The following KIF2A variants were observed in gnomAD, a reference collection of about 807,000 sequenced individuals.
KIF2A encodes kinesin family member 2A.
Under a neutral mutation model 100.2 loss-of-function variants are expected in KIF2A, and 22 were observed. That is an observed-to-expected ratio of 0.22 (90% confidence interval 0.16 to 0.31). The LOEUF is 0.31. Ranked by LOEUF, KIF2A falls within the 10% of genes least tolerant of loss-of-function variation. The pLI, the probability that KIF2A is intolerant of heterozygous loss-of-function variation, is 1.00. For missense variants in KIF2A, 495 were observed against 898.7 expected, an observed-to-expected ratio of 0.55 and a Z score of 5.74; for synonymous variants, 268 against 285.9, an observed-to-expected ratio of 0.94 and a Z score of 0.63.
chr5:62,333,882 A>T (rs1746782010), intron 1 of KIF2A, among the ~76,000 whole-genome samples: 1 of 152,152 alleles, frequency 6.6e-6, no homozygotes, highest in Admixed American at 6.5e-5. Flanking sequence ...ACCTCCCAGC[A>T]TCCTGCCCAG....
At chr5:62,319,606 A>G (rs1746004364) in intron 1 of KIF2A, among the ~76,000 whole-genome samples, 1 of 152,094 alleles carries the variant, frequency 6.6e-6, no homozygotes, top group African/African-American at 2.4e-5. Flanking sequence ...TATATTCCCC[A>G]CTGCCTAGCA....
intron 18 of KIF2A, among the ~76,000 whole-genome samples, chr5:62,376,271 T>C (rs186129917): frequency 4.5e-4 from 69 of 152,332 alleles, no homozygotes; most frequent in African/African-American, 1.5e-3. Flanking sequence ...CAGGGAATTA[T>C]CTTGCCATGA....
At chr5:62,322,686 A>C (rs1468970929) in intron 1 of KIF2A, among the ~76,000 whole-genome samples, 2 of 152,108 alleles carry the variant, frequency 1.3e-5, no homozygotes, top group Non-Finnish European at 2.9e-5. Flanking sequence ...ACCAGAGTTG[A>C]AGGGTGGGAA....
Position 62,386,964 on chromosome 5 carries a change from T to G in KIF2A, c.*1395T>G, listed in dbSNP as rs1372446731. On this transcript the variant is annotated 3_prime_UTR_variant, in exon 21 of 21. Coordinates refer to ENST00000407818, the MANE Select transcript of KIF2A (RefSeq NM_001098511.3). ...CTAAAAATCTCCCAAGGATATCTTG[T>G]TTTGATTTATTTACTCCAGGGAACT... is the stretch of plus-strand genomic sequence containing the variant. Among the ~76,000 whole-genome samples the G allele has an allele frequency of 6.6e-6, 1 of 152,178 alleles. No individual in the cohort carries two copies. The highest frequency in any genetic ancestry group is 1.5e-5 in the Non-Finnish European group (1 of 68,032).
At chr5:62,336,121 C>G (rs1226735021) in intron 1 of KIF2A, among the ~76,000 whole-genome samples, 2 of 152,144 alleles carry the variant, frequency 1.3e-5, no homozygotes, top group African/African-American at 4.8e-5. Flanking sequence ...AGCTCAAAAA[C>G]AAGATCATGG....
chr5:62,331,357 G>A (rs1261716836), intron 1 of KIF2A, among the ~76,000 whole-genome samples: 3 of 151,928 alleles, frequency 2.0e-5, no homozygotes, highest in African/African-American at 7.3e-5. Flanking sequence ...GCTGTGGTGA[G>A]CTGAGATCGT....
At chr5:62,331,102 T>TGTATAAACCTAA (rs1746616156) in intron 1 of KIF2A, among the ~76,000 whole-genome samples, 1 of 152,204 alleles carries the variant, frequency 6.6e-6, no homozygotes, top group African/African-American at 2.4e-5. Flanking sequence ...TATACATATT[T>TGTATAAACCTAA]AGGTTTTGAA....
chr5:62,382,126 G>C (rs573872154), intron 20 of KIF2A, among the ~76,000 whole-genome samples: 2 of 152,200 alleles, frequency 1.3e-5, no homozygotes, highest in African/African-American at 4.8e-5. Flanking sequence ...TCCTAATTTG[G>C]GGCAGTAAAT....
intron 20 of KIF2A, among the ~76,000 whole-genome samples, chr5:62,383,739 A>T (rs17349793): frequency 0.016 from 2,483 of 152,238 alleles, 58 homozygotes; most frequent in African/African-American, 0.057. Flanking sequence ...AATAATTCAC[A>T]ATCAGCTTCT....
At chr5:62,380,190 A>G (rs1205151188) in intron 19 of KIF2A, among the ~76,000 whole-genome samples, 1 of 152,146 alleles carries the variant, frequency 6.6e-6, no homozygotes, top group African/African-American at 2.4e-5. Context: ...CACCATGCCC[A>G]GCTGGAATTT....
At chr5:62,326,095 A>T (rs2111827820) in intron 1 of KIF2A, among the ~76,000 whole-genome samples, 1 of 152,244 alleles carries the variant, frequency 6.6e-6, no homozygotes, top group East Asian at 1.9e-4. Flanking sequence ...CATGTAACAA[A>T]CCTGCATATG....
chr5:62,363,616 G>T, intron 13 of KIF2A, 79 bp from the exon 14 acceptor site: 1 of 1,282,312 alleles, frequency 7.8e-7, no homozygotes, highest in Admixed American at 2.1e-5. Context: ...TGCTGCTGTT[G>T]TTTTTAATGA....
rs1318064633 is a variant in KIF2A at position 62,389,385 on chromosome 5, T to C, written c.*3816T>C. 6.7e-6 allele frequency among the ~76,000 whole-genome samples: 1 copy of C among 149,682 alleles called. No homozygotes were observed. The highest frequency in any genetic ancestry group is 1.5e-5 in the Non-Finnish European group (1 of 67,746). On this transcript the variant is annotated 3_prime_UTR_variant, in exon 21 of 21. Transcript: ENST00000407818. ...CCTGTAATCCCAGCTACTCGGGTGGTTGAGGCAGGAGATTTGCCTGAACCC... is the reference window on the plus strand; with the variant it reads ...CCTGTAATCCCAGCTACTCGGGTGGCTGAGGCAGGAGATTTGCCTGAACCC...
rs1580081697 is a variant in KIF2A, at chr5:62,365,100, A to T, written c.1468-143A>T. 10 of 455,114 alleles carry T rather than the reference A, an allele frequency of 2.2e-5. No homozygotes were observed. In the East Asian group the frequency reaches 3.5e-4, roughly 16 times the overall value. The allele number at this position is 455,114 out of a possible 1,614,324, so 28.2% of individuals were successfully genotyped here. On this transcript the variant is annotated intron_variant, in intron 14 of 20. Transcript: ENST00000407818. The stretch of plus-strand genomic sequence containing the variant: ...AGAGCGAGACTTTGTCTCAAAAAAA[A>T]AATAAAACTGTTAGTAGAATTTTCA...
Position 62,373,044 on chromosome 5 carries a change from C to G in KIF2A, c.1760+493C>G, listed in dbSNP as rs1238768114. Among the ~76,000 whole-genome samples the G allele has an allele frequency of 1.3e-5, 2 of 150,980 alleles. 1 individual carries two copies. Among genetic ancestry groups the G allele is most frequent in the Admixed American group, 1.3e-4 (2 of 15,182 alleles). On this transcript the variant is annotated intron_variant, in intron 17 of 20. Coordinates refer to ENST00000407818, the MANE Select transcript of KIF2A (RefSeq NM_001098511.3). ...CTGAGGTTGAGAATTCCAGACCAAC[C>G]TGGCCAAGTGGTGAAAAAAAAAAAA...
chr5:62,373,767 A>T lies in KIF2A; in HGVS notation c.1841A>T (p.Asp614Val). Residue 614 changes from aspartate (D) to valine (V), a missense_variant, in exon 18 of 21, where the codon GAC (aspartate) becomes GTC (valine). By Grantham distance (152) the Asp-to-Val change is radical (BLOSUM62 -3). Around this residue, in one of 10 missense-constraint regions of KIF2A, gnomAD observed 100 missense variants for 138.2 expected, o/e 0.72. Transcript: ENST00000407818. ...CACCATCCACCAAACCAGATTGATG[A>T]CTTAGAGACACAGTGGGGTGTGGGG... ...IMHHPPNQID[D>V]LETQWGVGSS... 1 of 1,613,144 alleles carries T rather than the reference A, an allele frequency of 6.2e-7. No homozygotes were observed. The highest frequency in any genetic ancestry group is 1.3e-5 in the African/African-American group (1 of 75,040).
At chr5:62,355,032 T>C in intron 6 of KIF2A, 127 bp from the exon 7 acceptor site, 1 of 562,550 alleles carries the variant, frequency 1.8e-6, no homozygotes, top group East Asian at 3.0e-5. Flanking sequence ...CTATATAATA[T>C]CGTCAGTTTA....
chr5:62,338,239 T>TAA (rs1310840703), intron 1 of KIF2A, among the ~76,000 whole-genome samples: 2 of 152,188 alleles, frequency 1.3e-5, no homozygotes, highest in Non-Finnish European at 2.9e-5. Context: ...TGTTATCATA[T>TAA]AAAAATAACA....
chr5:62,343,806 T>C (rs574358951), intron 1 of KIF2A, among the ~76,000 whole-genome samples: 54 of 152,316 alleles, frequency 3.5e-4, no homozygotes, highest in African/African-American at 1.3e-3. Context: ...ACTCAAGCAA[T>C]GTCATTTTAT....
Sources: allele counts gnomAD v4.1 joint callset (sites outside exome capture counted in the v4.1 genomes callset), GRCh38; gene constraint gnomAD v4.1.1; regional missense constraint gnomAD v4.1.1; transcripts MANE v1.5; gene names NCBI Gene and HGNC (gene_info 2026-07-23, HGNC 2026-07-21).